SCAI: variants seen among roughly 807,000 people sequenced by gnomAD.
The protein encoded by SCAI is suppressor of cancer cell invasion.
A neutral mutation model predicts 92.2 loss-of-function variants in SCAI; 24 were observed. The ratio of observed to expected loss-of-function variants is 0.26; its 90% CI spans 0.19 to 0.37. SCAI has a LOEUF of 0.37. Among genes scored for constraint, SCAI ranks in the 10% least tolerant of loss-of-function variants. SCAI has a pLI of 1.00. For missense variants in SCAI, 450 were observed against 736.2 expected, an observed-to-expected ratio of 0.61 and a Z score of 4.50; for synonymous variants, 261 against 258.6, an observed-to-expected ratio of 1.01 and a Z score of -0.09.
chr9:125,062,899 A>G (rs1564398077), intron 2 of SCAI, among the ~76,000 whole-genome samples: 2 of 151,892 alleles, frequency 1.3e-5, no homozygotes, highest in East Asian at 3.9e-4. Context: ...GCGTGCCTGT[A>G]ATCCCAGCTA....
At chr9:125,003,993 T>A (rs568611579) in intron 9 of SCAI, among the ~76,000 whole-genome samples, 1 of 152,174 alleles carries the variant, frequency 6.6e-6, no homozygotes, top group African/African-American at 2.4e-5. Flanking sequence ...CTGGCCAACA[T>A]GGTGAAACCC....
chr9:124,962,987 TG>T (rs1208101673), intron 17 of SCAI, among the ~76,000 whole-genome samples: 4 of 150,800 alleles, frequency 2.7e-5, no homozygotes, highest in Non-Finnish European at 5.9e-5. Flanking sequence ...TTAGTAGAGA[TG>T]GGGTTTCACC....
intron 1 of SCAI, among the ~76,000 whole-genome samples, chr9:125,143,008 CT>C (rs1280211615): frequency 1.3e-5 from 2 of 150,992 alleles, no homozygotes; most frequent in East Asian, 2.0e-4. Flanking sequence ...GCAAGCCCCC[CT>C]AGCCTCCCCT....
intron 3 of SCAI, among the ~76,000 whole-genome samples, chr9:125,048,654 C>T (rs1231438692): frequency 6.6e-6 from 1 of 151,932 alleles, no homozygotes; most frequent in Non-Finnish European, 1.5e-5. Context: ...AAAGGGAATC[C>T]TAAAAACAGG....
At chr9:125,083,794 C>CACAGAGT (rs1834267805) in intron 2 of SCAI, among the ~76,000 whole-genome samples, 2 of 152,026 alleles carry the variant, frequency 1.3e-5, no homozygotes, top group Non-Finnish European at 2.9e-5. Context: ...TATCTGCTTT[C>CACAGAGT]ACAGAGTGTA....
Position 124,947,746 on chromosome 9 carries a change from A to C in SCAI, c.*5061T>G, listed in dbSNP as rs1013157793. On this transcript the variant is annotated 3_prime_UTR_variant, in exon 18 of 18. Transcript: ENST00000336505. ...GAATTTCAAATAAATAAGGTCAACA[A>C]AAGAGCCCTCAAGGTAAATACCCTC... 9 of 152,222 alleles carry C rather than the reference A, an allele frequency of 5.9e-5. No individual in the cohort carries two copies. The highest frequency in any genetic ancestry group is 1.3e-4 in the Non-Finnish European group (9 of 68,030). The allele number at this position is 152,222 out of a possible 1,614,324, so 9.4% of individuals were successfully genotyped here.
intron 2 of SCAI, among the ~76,000 whole-genome samples, chr9:125,068,374 C>A (rs1322708196): frequency 1.3e-5 from 2 of 152,074 alleles, no homozygotes; most frequent in Non-Finnish European, 2.9e-5. Context: ...ATGGCATGCA[C>A]CTGTAGTTCC....
chr9:125,014,281 C>T (rs1314101787), intron 9 of SCAI, among the ~76,000 whole-genome samples: 7 of 152,140 alleles, frequency 4.6e-5, no homozygotes, highest in East Asian at 3.8e-4. Context: ...CTAGAAAACC[C>T]CATTGTCTCA....
intron 3 of SCAI, among the ~76,000 whole-genome samples, chr9:125,052,723 A>T (rs977683870): frequency 6.6e-6 from 1 of 152,204 alleles, no homozygotes; most frequent in African/African-American, 2.4e-5. Context: ...CAGAATATAT[A>T]AACAATTATA....
intron 2 of SCAI, among the ~76,000 whole-genome samples, chr9:125,083,477 C>T (rs1834262289): frequency 7.2e-6 from 1 of 139,020 alleles, no homozygotes; most frequent in African/African-American, 2.7e-5. Context: ...GACATCGCAC[C>T]AATGCACTCC....
At chr9:125,061,176 A>G (rs1355760679) in intron 2 of SCAI, among the ~76,000 whole-genome samples, 1 of 152,206 alleles carries the variant, frequency 6.6e-6, no homozygotes, top group African/African-American at 2.4e-5. Flanking sequence ...GGGCACCTGT[A>G]GTCCCAGCCA....
chr9:125,117,665 CAAA>C (rs372964615), intron 2 of SCAI, among the ~76,000 whole-genome samples: 3 of 45,252 alleles, frequency 6.6e-5, no homozygotes, highest in African/African-American at 2.0e-4. Flanking sequence ...GACTCCATCT[CAAA>C]AAAAAAAAAA....
chr9:125,019,174 T>C lies in SCAI; in HGVS notation c.641A>G (p.His214Arg), dbSNP rs1428382345. ...ELSDEIEDYT[H>R]RFNTEDQVEW... ...CACTTGATCTTCAGTATTAAATCGG[T>C]GAGTATAATCTTCAATTTCATCTGA... Residue 214 changes from histidine (H) to arginine (R), a missense_variant, in exon 8 of 18, where the codon CAC becomes CGC. Physicochemically the swap from His to Arg is conservative, Grantham distance 29. Around this residue, in one of 3 missense-constraint regions of SCAI, gnomAD observed 360 missense variants for 601.8 expected, o/e 0.60. Transcript: ENST00000336505. 7 of 1,597,524 alleles carry C rather than the reference T, an allele frequency of 4.4e-6. No individual in the cohort carries two copies. The highest frequency in any genetic ancestry group is 6.0e-6 in the Non-Finnish European group (7 of 1,171,836).
rs1013607548 is a variant in SCAI at position 124,947,314 on chromosome 9, C to T, written c.*5493G>A. ...AGAATCTGCTGGTGTCTCAGTTTCA[C>T]ATACTTAGGTTTTTCAGGTTATATC... On this transcript the variant is annotated 3_prime_UTR_variant, in exon 18 of 18. Transcript: ENST00000336505. 1 of 152,146 alleles carries T rather than the reference C, an allele frequency of 6.6e-6. No homozygotes were observed. The highest frequency in any genetic ancestry group is 1.5e-5 in the Non-Finnish European group (1 of 68,022). 9.4% of individuals were successfully genotyped at this position (152,146 alleles called of 1,614,324 possible).
At chr9:125,016,315 G>A (rs894817185) in intron 9 of SCAI, among the ~76,000 whole-genome samples, 1 of 150,646 alleles carries the variant, frequency 6.6e-6, no homozygotes, top group African/African-American at 2.4e-5. Flanking sequence ...TTGAACCTGG[G>A]AGGCAGAAGT....
intron 17 of SCAI, among the ~76,000 whole-genome samples, chr9:124,955,239 A>G (rs1024907639): frequency 6.6e-6 from 1 of 151,946 alleles, no homozygotes; most frequent in African/African-American, 2.4e-5. Context: ...AGCTTAAAAC[A>G]CTATAATATA....
At chr9:125,135,076 TC>T (rs1428096234) in intron 2 of SCAI, among the ~76,000 whole-genome samples, 1 of 152,176 alleles carries the variant, frequency 6.6e-6, no homozygotes, top group African/African-American at 2.4e-5. Flanking sequence ...CCACACTAAC[TC>T]CTCTTGCCAC....
At chr9:125,122,921 T>C (rs1213643574) in intron 2 of SCAI, among the ~76,000 whole-genome samples, 12 of 152,244 alleles carry the variant, frequency 7.9e-5, no homozygotes, top group Non-Finnish European at 5.9e-5. Flanking sequence ...ATAAATAAAT[T>C]AGTAAAATTT....
intron 2 of SCAI, among the ~76,000 whole-genome samples, chr9:125,078,827 C>A (rs776759711): frequency 1.2e-4 from 19 of 152,160 alleles, no homozygotes; most frequent in Non-Finnish European, 2.1e-4. Context: ...AAGAGGATCA[C>A]TTGAGCCCAG....
Sources: allele counts gnomAD v4.1 joint callset (sites outside exome capture counted in the v4.1 genomes callset), GRCh38; gene constraint gnomAD v4.1.1; regional missense constraint gnomAD v4.1.1; transcripts MANE v1.5; gene names NCBI Gene and HGNC (gene_info 2026-07-23, HGNC 2026-07-21).